FUT8: variants seen among roughly 807,000 people sequenced by gnomAD.
FUT8 encodes alpha-(1,6)-fucosyltransferase.
A neutral mutation model predicts 71.3 loss-of-function variants in FUT8; 29 were observed. The ratio of observed to expected loss-of-function variants is 0.41; its 90% CI spans 0.30 to 0.55. The LOEUF is 0.55. Ranked by LOEUF, FUT8 falls within the 20% of genes least tolerant of loss-of-function variation. The probability of loss-of-function intolerance (pLI) is 0.34; values close to 1 mark genes in which losing one functional copy is unlikely to be tolerated. For missense variants in FUT8, 544 were observed against 702.1 expected (o/e 0.77, Z 2.55); for synonymous variants, 254 against 239.3 (o/e 1.06, Z -0.57).
At chr14:65,390,927 C>T in the FUT8 span, among the ~76,000 whole-genome samples, 6 of 152,012 alleles carry the variant, frequency 3.9e-5, no homozygotes, top group Non-Finnish European at 5.9e-5. Flanking sequence ...AGGGTTTCAC[C>T]GTGTTAGCCA....
At chr14:65,687,696 C>G (rs1300896830) in intron 7 of FUT8, among the ~76,000 whole-genome samples, 4 of 151,946 alleles carry the variant, frequency 2.6e-5, no homozygotes, top group African/African-American at 7.3e-5. Context: ...ATATACCCCC[C>G]ACTCCCCCTA....
intron 9 of FUT8, among the ~76,000 whole-genome samples, chr14:65,730,565 C>G (rs778264184): frequency 6.6e-6 from 1 of 151,978 alleles, no homozygotes; most frequent in Non-Finnish European, 1.5e-5. Flanking sequence ...CCCAGCCACT[C>G]AGGAGGCTGA....
intron 1 of FUT8, among the ~76,000 whole-genome samples, chr14:65,422,496 C>T (rs1412932400): frequency 1.3e-5 from 2 of 151,804 alleles, no homozygotes; most frequent in African/African-American, 4.8e-5. Context: ...ATTCTTTCTC[C>T]ATATTTCTTT....
chr14:65,629,697 C>A lies in FUT8; in HGVS notation c.597+91C>A, dbSNP rs183212066. 5 of 871,488 alleles carry A rather than the reference C, an allele frequency of 5.7e-6. No individual in the cohort carries two copies. In the Admixed American group the frequency reaches 8.5e-5, roughly 15 times the overall value. 54.0% of individuals were successfully genotyped at this position (871,488 alleles called of 1,614,324 possible). On this transcript the variant is annotated intron_variant, in intron 6 of 10. Coordinates refer to ENST00000673929, the MANE Select transcript of FUT8 (RefSeq NM_001371533.1). ...AATAATTTCAGTTGTTTTTAGTCTT[C>A]CTGGCCCTTGAAAATCAGTACTCAC...
At chr14:65,560,423 C>G (rs939962210) in intron 2 of FUT8, among the ~76,000 whole-genome samples, 6 of 152,106 alleles carry the variant, frequency 3.9e-5, no homozygotes, top group African/African-American at 1.2e-4. Flanking sequence ...AAGCAATTCT[C>G]CCGCCTTGTC....
intron 2 of FUT8, among the ~76,000 whole-genome samples, chr14:65,501,714 G>A (rs934627396): frequency 2.0e-5 from 3 of 152,110 alleles, no homozygotes; most frequent in Admixed American, 2.0e-4. Flanking sequence ...AGTATATATA[G>A]CCTTCTCTTC....
intron 2 of FUT8, among the ~76,000 whole-genome samples, chr14:65,530,977 T>TC (rs1883920280): frequency 6.8e-6 from 1 of 146,740 alleles, no homozygotes; most frequent in Non-Finnish European, 1.5e-5. Flanking sequence ...GTATGGGAAC[T>TC]TTTTACCAAT....
chr14:65,602,347 A>T (rs1214457788), intron 3 of FUT8, among the ~76,000 whole-genome samples: 112 of 5,416 alleles, frequency 0.021, 3 homozygotes, highest in Admixed American at 0.14. Flanking sequence ...CATCTCTCAC[A>T]CACACACACA....
intron 6 of FUT8, among the ~76,000 whole-genome samples, chr14:65,653,652 G>GA: frequency 6.6e-6 from 1 of 152,296 alleles, no homozygotes; most frequent in Admixed American, 6.5e-5. Flanking sequence ...GGAACAATTT[G>GA]AATGACTCTG....
upstream of FUT8, chr14:65,411,010 A>G (rs1595334224): frequency 1.3e-5 from 2 of 152,236 alleles, no homozygotes; most frequent in East Asian, 1.9e-4. Context: ...AAAATTATCT[A>G]AAGTATGACT....
At chr14:65,481,413 T>G (rs1212046174) in intron 2 of FUT8, among the ~76,000 whole-genome samples, 5 of 152,166 alleles carry the variant, frequency 3.3e-5, no homozygotes, top group Non-Finnish European at 5.9e-5. Flanking sequence ...ATCGATTTCC[T>G]TATAGTTTGT....
intron 1 of FUT8, among the ~76,000 whole-genome samples, chr14:65,424,369 G>A (rs948205118): frequency 1.3e-4 from 20 of 152,040 alleles, no homozygotes; most frequent in African/African-American, 4.8e-4. Flanking sequence ...TTCTCTCAGT[G>A]TCAAATGCCA....
chr14:65,371,194 C>T, the FUT8 span, among the ~76,000 whole-genome samples: 4 of 152,200 alleles, frequency 2.6e-5, no homozygotes, highest in Admixed American at 2.6e-4. Flanking sequence ...TTGGGTGTAG[C>T]CCATTCTAGT....
chr14:65,713,235 T>G (rs2139320079), intron 7 of FUT8, among the ~76,000 whole-genome samples: 1 of 152,316 alleles, frequency 6.6e-6, no homozygotes, highest in South Asian at 2.1e-4. Flanking sequence ...AATGACAGGG[T>G]CTCATTCTTT....
chr14:65,553,833 C>A (rs1208607537), intron 2 of FUT8, among the ~76,000 whole-genome samples: 1 of 151,210 alleles, frequency 6.6e-6, no homozygotes, highest in Non-Finnish European at 1.5e-5. Flanking sequence ...TTCCTAGTTA[C>A]CTGAAAGATT....
At chr14:65,724,807 G>A (rs1380814394) in intron 9 of FUT8, among the ~76,000 whole-genome samples, 1 of 152,108 alleles carries the variant, frequency 6.6e-6, no homozygotes, top group African/African-American at 2.4e-5. Flanking sequence ...CCTCTTCTTT[G>A]TGTGTGCAGG....
the FUT8 span, among the ~76,000 whole-genome samples, chr14:65,398,967 C>G: frequency 1.3e-5 from 2 of 152,148 alleles, no homozygotes; most frequent in African/African-American, 4.8e-5. Context: ...GGGTTCAAAC[C>G]TATTTATCAT....
intron 2 of FUT8, among the ~76,000 whole-genome samples, chr14:65,529,377 G>A (rs1356251377): frequency 1.3e-5 from 2 of 152,126 alleles, no homozygotes; most frequent in Non-Finnish European, 2.9e-5. Context: ...GATTACAGGT[G>A]CATGCCACCA....
intron 2 of FUT8, among the ~76,000 whole-genome samples, chr14:65,481,049 C>T (rs2066323267): frequency 6.6e-6 from 1 of 152,094 alleles, no homozygotes; most frequent in East Asian, 1.9e-4. Flanking sequence ...AGTGGCTACA[C>T]CATTTTACAT....
Sources: gnomAD v4.1 joint callset for allele counts (sites outside exome capture counted in the v4.1 genomes callset) on GRCh38, gnomAD v4.1.1 for gene constraint, MANE v1.5 for transcripts, NCBI Gene and HGNC (gene_info 2026-07-23, HGNC 2026-07-21) for gene names.